Variants in IMMP2L observed in about 807,000 individuals in gnomAD.
IMMP2L encodes mitochondrial inner membrane protease subunit 2.
In IMMP2L, 18 loss-of-function variants were observed where a neutral mutation model predicts 19.3. That is an observed-to-expected ratio of 0.93 (90% CI 0.64 to 1.38). The LOEUF (loss-of-function observed/expected upper bound fraction) is 1.38. Among genes scored for constraint, IMMP2L ranks in the 40% most tolerant of loss-of-function variants. The pLI is 0.00. For missense variants in IMMP2L, 233 were observed against 218.2 expected, an observed-to-expected ratio of 1.07 and a Z score of -0.43; for synonymous variants, 76 against 73.0, an observed-to-expected ratio of 1.04 and a Z score of -0.21.
intron 5 of IMMP2L, among the ~76,000 whole-genome samples, chr7:110,697,188 G>A (rs928752709): frequency 6.6e-6 from 1 of 152,132 alleles, no homozygotes; most frequent in African/African-American, 2.4e-5. Context: ...CTTGATTTCA[G>A]CTAAACATGT....
chr7:110,800,799 G>C (rs1389942089), intron 5 of IMMP2L, among the ~76,000 whole-genome samples: 2 of 152,004 alleles, frequency 1.3e-5, no homozygotes, highest in East Asian at 3.9e-4. Context: ...CATATACCTA[G>C]ATATATAATA....
intron 5 of IMMP2L, among the ~76,000 whole-genome samples, chr7:110,691,517 AACAG>A (rs1304619916): frequency 5.3e-5 from 8 of 152,168 alleles, no homozygotes; most frequent in African/African-American, 1.9e-4. Context: ...CATTAGACTA[AACAG>A]ACAAACCACA....
intron 2 of IMMP2L, among the ~76,000 whole-genome samples, chr7:111,502,715 T>C (rs1392471518): frequency 1.3e-5 from 2 of 151,336 alleles, no homozygotes; most frequent in African/African-American, 2.4e-5. Flanking sequence ...TGCTCCTGAA[T>C]GACTACTGGG....
chr7:111,037,624 T>C (rs985252279), intron 3 of IMMP2L, among the ~76,000 whole-genome samples: 3 of 152,192 alleles, frequency 2.0e-5, no homozygotes, highest in African/African-American at 4.8e-5. Context: ...ATTCACAATA[T>C]AAATAAATTC....
At chr7:111,047,341 C>T (rs1177484920) in intron 3 of IMMP2L, among the ~76,000 whole-genome samples, 1 of 152,014 alleles carries the variant, frequency 6.6e-6, no homozygotes, top group Non-Finnish European at 1.5e-5. Context: ...GCAGGCATCA[C>T]CATTCCTGGC....
chr7:111,379,644 A>C (rs531437039), intron 3 of IMMP2L, among the ~76,000 whole-genome samples: 16 of 151,942 alleles, frequency 1.1e-4, no homozygotes, highest in Non-Finnish European at 2.2e-4. Flanking sequence ...ATTATTAATA[A>C]TGATACATAT....
chr7:110,965,498 A>T (rs1819443794), intron 3 of IMMP2L, among the ~76,000 whole-genome samples: 1 of 152,012 alleles, frequency 6.6e-6, no homozygotes, highest in African/African-American at 2.4e-5. Context: ...ATGAAATTTG[A>T]TCAGAGTTTT....
At chr7:110,667,385 G>A (rs1045202990) in intron 5 of IMMP2L, among the ~76,000 whole-genome samples, 5 of 152,220 alleles carry the variant, frequency 3.3e-5, no homozygotes, top group Admixed American at 2.0e-4. Flanking sequence ...CCCCACCACC[G>A]TCCTGGCAAA....
chr7:110,943,545 T>A (rs1484335527), intron 4 of IMMP2L, among the ~76,000 whole-genome samples: 1 of 151,902 alleles, frequency 6.6e-6, no homozygotes, highest in African/African-American at 2.4e-5. Flanking sequence ...TTAAGATCCA[T>A]CCCATCGTTC....
intron 5 of IMMP2L, among the ~76,000 whole-genome samples, chr7:110,672,511 TCCACCA>T (rs1379925812): frequency 6.6e-6 from 1 of 152,026 alleles, no homozygotes; most frequent in Non-Finnish European, 1.5e-5. Flanking sequence ...CTTAACTCAT[TCCACCA>T]TTAACCCAAA....
At chr7:111,151,358 C>T (rs1804052812) in intron 3 of IMMP2L, among the ~76,000 whole-genome samples, 1 of 152,072 alleles carries the variant, frequency 6.6e-6, no homozygotes, top group Non-Finnish European at 1.5e-5. Context: ...AATGAAAATA[C>T]AGGGATATAA....
intron 3 of IMMP2L, among the ~76,000 whole-genome samples, chr7:111,133,313 G>T (rs530661535): frequency 1.3e-5 from 2 of 152,144 alleles, no homozygotes; most frequent in East Asian, 3.9e-4. Context: ...ACACATATTT[G>T]GGGGGAGTAC....
intron 3 of IMMP2L, among the ~76,000 whole-genome samples, chr7:111,067,289 TC>T (rs984576735): frequency 3.9e-5 from 6 of 152,234 alleles, no homozygotes; most frequent in African/African-American, 1.4e-4. Flanking sequence ...GGAACTGTTC[TC>T]TCTAACTTTG....
intron 3 of IMMP2L, among the ~76,000 whole-genome samples, chr7:111,141,270 ATAC>A (rs67310108): frequency 0.026 from 3,915 of 152,242 alleles, 175 homozygotes; most frequent in African/African-American, 0.089. Flanking sequence ...CTTTGAAATA[ATAC>A]TACAAAGAAT....
intron 5 of IMMP2L, among the ~76,000 whole-genome samples, chr7:110,722,638 T>C (rs1795644811): frequency 2.0e-5 from 3 of 152,196 alleles, no homozygotes. Flanking sequence ...TGTGAAAATA[T>C]ATGCCGATTT....
At chr7:111,100,513 TACC>T (rs1480210822) in intron 3 of IMMP2L, among the ~76,000 whole-genome samples, 1 of 149,296 alleles carries the variant, frequency 6.7e-6, no homozygotes, top group African/African-American at 2.4e-5. Context: ...TTTACAGTTT[TACC>T]ACATGGTACA....
intron 3 of IMMP2L, among the ~76,000 whole-genome samples, chr7:111,001,243 T>A (rs1375922884): frequency 2.0e-5 from 3 of 152,210 alleles, no homozygotes; most frequent in African/African-American, 7.2e-5. Flanking sequence ...AAACATTGTT[T>A]TACTCATAAA....
chr7:111,130,651 AT>A (rs1422138304), intron 3 of IMMP2L, among the ~76,000 whole-genome samples: 1 of 152,118 alleles, frequency 6.6e-6, no homozygotes, highest in Non-Finnish European at 1.5e-5. Flanking sequence ...CTGTAATAAA[AT>A]AACCTCCCTG....
intron 5 of IMMP2L, among the ~76,000 whole-genome samples, chr7:110,667,178 A>G (rs1791523651): frequency 6.6e-6 from 1 of 152,156 alleles, no homozygotes; most frequent in African/African-American, 2.4e-5. Flanking sequence ...CCTGGAATAA[A>G]TTCTTTTTTT....
Sources: allele counts gnomAD v4.1 joint callset (sites outside exome capture counted in the v4.1 genomes callset), GRCh38; gene constraint gnomAD v4.1.1; transcripts MANE v1.5; gene names NCBI Gene and HGNC (gene_info 2026-07-23, HGNC 2026-07-21).